GRM5: variants seen among roughly 807,000 people sequenced by gnomAD.
The protein encoded by GRM5 is glutamate metabotropic receptor 5.
In GRM5, 19 loss-of-function variants were observed where a neutral mutation model predicts 83.1. The observed-to-expected ratio is 0.23, with a 90% CI of 0.16 to 0.34. The LOEUF is 0.34. Among genes scored for constraint, GRM5 ranks in the 10% least tolerant of loss-of-function variants. The pLI is 1.00. For missense variants in GRM5, 1,160 were observed against 1,588.3 expected, an observed-to-expected ratio of 0.73 and a Z score of 4.58; for synonymous variants, 675 against 633.6, an observed-to-expected ratio of 1.07 and a Z score of -0.98.
chr11:88,998,550 T>G (rs1940268329), intron 2 of GRM5, among the ~76,000 whole-genome samples: 1 of 152,142 alleles, frequency 6.6e-6, no homozygotes, highest in South Asian at 2.1e-4. Context: ...ATCTTCCCAT[T>G]ATTCAAAATA....
chr11:88,768,038 C>T (rs953922569), intron 3 of GRM5, among the ~76,000 whole-genome samples: 1 of 151,782 alleles, frequency 6.6e-6, no homozygotes, highest in Non-Finnish European at 1.5e-5. Context: ...TATGATGGGT[C>T]CTTAAAAAAT....
Position 88,931,147 on chromosome 11 carries a change from T to C in GRM5, c.662-80992A>G, listed in dbSNP as rs1462944018. Among the ~76,000 whole-genome samples, 6 of 152,006 alleles carry C rather than the reference T, an allele frequency of 3.9e-5. No homozygotes were observed. In the East Asian group the frequency reaches 1.2e-3, roughly 30 times the overall value. On this transcript the variant is annotated intron_variant, in intron 2 of 9. Coordinates refer to ENST00000305447, the MANE Select transcript of GRM5 (RefSeq NM_001143831.3). ...ATTTTCAAATGAAAAGCTTAAAACT[T>C]CTCCTGAAAATAATTCAGTGTCATT...
At chr11:88,821,363 G>GA (rs1415186133) in intron 3 of GRM5, among the ~76,000 whole-genome samples, 4 of 104,968 alleles carry the variant, frequency 3.8e-5, no homozygotes, top group South Asian at 3.1e-4. Context: ...AAAAAAAAAA[G>GA]AAAAAAGAAA....
chr11:88,814,036 A>T lies in GRM5; in HGVS notation c.911+35870T>A, dbSNP rs368402463. Among the ~76,000 whole-genome samples the T allele has an allele frequency of 3.7e-4, 56 of 152,328 alleles. 1 individual carries two copies. In the South Asian group the frequency reaches 6.0e-3, roughly 16 times the overall value. Reference sequence around the variant, plus strand: ...TACTTTTAATTACTAAATGATTCCAAAATTAATACTATTGGACTCTGACTT... The same window carrying T: ...TACTTTTAATTACTAAATGATTCCATAATTAATACTATTGGACTCTGACTT... On this transcript the variant is annotated intron_variant, in intron 3 of 9. Coordinates refer to ENST00000305447, the MANE Select transcript of GRM5 (RefSeq NM_001143831.3).
chr11:88,924,777 T>C (rs1159128137), intron 2 of GRM5, among the ~76,000 whole-genome samples: 1 of 151,858 alleles, frequency 6.6e-6, no homozygotes, highest in East Asian at 1.9e-4. Flanking sequence ...GTTAATAATA[T>C]TGTATTATAT....
chr11:88,705,842 C>T (rs1175857993), intron 3 of GRM5, among the ~76,000 whole-genome samples: 4 of 151,990 alleles, frequency 2.6e-5, no homozygotes, highest in Admixed American at 2.0e-4. Flanking sequence ...GAATCTGTCT[C>T]CATCTCTCAA....
At chr11:88,856,227 A>G (rs1944473811) in intron 2 of GRM5, among the ~76,000 whole-genome samples, 2 of 152,124 alleles carry the variant, frequency 1.3e-5, no homozygotes, top group African/African-American at 4.8e-5. Context: ...ACTGACAACT[A>G]CTAGTGAAGT....
intron 3 of GRM5, among the ~76,000 whole-genome samples, chr11:88,788,985 T>G (rs929481285): frequency 6.6e-6 from 1 of 152,218 alleles, no homozygotes; most frequent in Non-Finnish European, 1.5e-5. Flanking sequence ...CTCATTGTCC[T>G]CTTGGGGAAT....
intron 3 of GRM5, among the ~76,000 whole-genome samples, chr11:88,772,898 C>T (rs926112770): frequency 8.6e-5 from 13 of 151,918 alleles, no homozygotes; most frequent in East Asian, 1.9e-4. Context: ...TGAATGGTGC[C>T]GCAATAAACA....
chr11:88,532,676 C>T (rs559694150), intron 8 of GRM5, among the ~76,000 whole-genome samples: 18 of 152,216 alleles, frequency 1.2e-4, no homozygotes, highest in Non-Finnish European at 2.1e-4. Context: ...ATGATCAAAT[C>T]TCCAATGAGA....
At chr11:88,821,468 G>T (rs939558340) in intron 3 of GRM5, among the ~76,000 whole-genome samples, 19 of 151,424 alleles carry the variant, frequency 1.3e-4, no homozygotes, top group Admixed American at 1.1e-3. Flanking sequence ...CTCAGGTTTC[G>T]ATGTCACCTT....
At chr11:89,016,308 A>T (rs918587319) in intron 2 of GRM5, among the ~76,000 whole-genome samples, 4 of 150,496 alleles carry the variant, frequency 2.7e-5, no homozygotes, top group Non-Finnish European at 5.9e-5. Flanking sequence ...TTATATATAC[A>T]TTATACATAT....
intron 3 of GRM5, among the ~76,000 whole-genome samples, chr11:88,826,477 C>A (rs892555402): frequency 6.6e-6 from 1 of 151,094 alleles, no homozygotes; most frequent in African/African-American, 2.4e-5. Context: ...ATTTATTTTT[C>A]TTTTATTTTG....
chr11:88,759,421 G>A (rs530631120), intron 3 of GRM5, among the ~76,000 whole-genome samples: 1 of 152,232 alleles, frequency 6.6e-6, no homozygotes, highest in East Asian at 1.9e-4. Flanking sequence ...AGCAGGCATT[G>A]CAATCCTAAT....
chr11:88,622,618 G>T (rs1239956411), intron 4 of GRM5, among the ~76,000 whole-genome samples: 4 of 152,162 alleles, frequency 2.6e-5, no homozygotes, highest in African/African-American at 9.6e-5. Context: ...GGGGGCGGCA[G>T]ACACCTGCCT....
At chr11:88,788,601 T>G (rs1338009517) in intron 3 of GRM5, among the ~76,000 whole-genome samples, 2 of 152,152 alleles carry the variant, frequency 1.3e-5, no homozygotes, top group Admixed American at 6.6e-5. Flanking sequence ...CCAACTTGGC[T>G]CTAAAAGTTG....
intron 2 of GRM5, among the ~76,000 whole-genome samples, chr11:88,933,503 T>TA (rs1391827388): frequency 6.6e-6 from 1 of 151,880 alleles, no homozygotes; most frequent in Non-Finnish European, 1.5e-5. Context: ...ATGAATGTGC[T>TA]ACTCTTTGGA....
chr11:88,751,917 A>G (rs1372462639), intron 3 of GRM5, among the ~76,000 whole-genome samples: 1 of 152,072 alleles, frequency 6.6e-6, no homozygotes, highest in South Asian at 2.1e-4. Context: ...CATATTAAAA[A>G]CTCTCAATAA....
intron 8 of GRM5, among the ~76,000 whole-genome samples, chr11:88,532,496 A>G (rs917557899): frequency 4.6e-5 from 7 of 152,312 alleles, no homozygotes; most frequent in East Asian, 3.9e-4. Flanking sequence ...AAGATGGCAG[A>G]GTTTTAGGAC....
Sources: gnomAD v4.1 joint callset for allele counts (sites outside exome capture counted in the v4.1 genomes callset) on GRCh38, gnomAD v4.1.1 for gene constraint, MANE v1.5 for transcripts, NCBI Gene and HGNC (gene_info 2026-07-23, HGNC 2026-07-21) for gene names.